The following RBFOX1 variants were observed in gnomAD, a reference collection of about 807,000 sequenced individuals.
RBFOX1 encodes RNA binding fox-1 homolog 1.
Under a neutral mutation model 57.7 loss-of-function variants are expected in RBFOX1, and 8 were observed. The ratio of observed to expected loss-of-function variants is 0.14; its 90% CI spans 0.08 to 0.25. The LOEUF is 0.25. RBFOX1 is among the 10% of genes least tolerant of loss of function. The pLI, the probability that RBFOX1 is intolerant of heterozygous loss-of-function variation, is 1.00. For synonymous variants in RBFOX1, 326 were observed against 222.4 expected (o/e 1.47, Z -4.15); for missense variants, 611 against 548.5 (o/e 1.11, Z -1.14).
At chr16:6,927,701 G>C (rs775616447) in intron 3 of RBFOX1, among the ~76,000 whole-genome samples, 11 of 147,580 alleles carry the variant, frequency 7.5e-5, no homozygotes, top group Non-Finnish European at 1.6e-4. Flanking sequence ...CAGATTTTAG[G>C]GCACTGTAGC....
rs143753786 is a variant in RBFOX1 at position 6,012,153 on chromosome 16, A to G, written c.351+144818A>G. On this transcript the variant is annotated intron_variant, in intron 4 of 19. Coordinates refer to the RBFOX1 transcript ENST00000641259. ...TGAGCTGGATTTGGATCCTAAATTA[A>G]TTGCTTACTACCTTGGCGACTGTGA... 6.8e-4 allele frequency among the ~76,000 whole-genome samples: 104 copies of G among 152,236 alleles called. 2 individuals carry two copies. Among genetic ancestry groups the G allele is most frequent in the Admixed American group, 1.8e-3 (27 of 15,290 alleles).
At chr16:6,845,972 T>G (rs935980705) in intron 3 of RBFOX1, among the ~76,000 whole-genome samples, 1 of 152,324 alleles carries the variant, frequency 6.6e-6, no homozygotes, top group South Asian at 2.1e-4. Flanking sequence ...GTGTTACTGA[T>G]AAAATAATGC....
intron 2 of RBFOX1, among the ~76,000 whole-genome samples, chr16:6,598,782 C>G (rs959085612): frequency 7.2e-5 from 11 of 152,034 alleles, no homozygotes; most frequent in African/African-American, 2.7e-4. Context: ...CCTGTCTCTA[C>G]TAAAAATACA....
intron 3 of RBFOX1, among the ~76,000 whole-genome samples, chr16:5,742,964 G>T (rs914205715): frequency 6.6e-6 from 1 of 152,174 alleles, no homozygotes; most frequent in African/African-American, 2.4e-5. Flanking sequence ...GACACTGAAC[G>T]TGTGCTGGGT....
chr16:6,626,139 G>GTTT (rs112941400), intron 2 of RBFOX1, among the ~76,000 whole-genome samples: 3 of 137,236 alleles, frequency 2.2e-5, no homozygotes, highest in African/African-American at 2.7e-5. Flanking sequence ...AATTCTGCAG[G>GTTT]TTTTTTTTTT....
rs9935246 is a variant in RBFOX1, at chr16:7,232,821, C to G, written c.27+180723C>G. On this transcript the variant is annotated intron_variant, in intron 4 of 15. Coordinates refer to ENST00000550418, the MANE Select transcript of RBFOX1 (RefSeq NM_018723.4). ...ACGCCATTGGTCATTACACTCCAGC[C>G]TGGACAACAAGAGTGAAACTTCATC... 1.3e-3 allele frequency among the ~76,000 whole-genome samples: 183 copies of G among 145,422 alleles called. 2 individuals carry two copies. Among genetic ancestry groups the G allele is most frequent in the African/African-American group, 4.5e-3 (174 of 38,860 alleles).
chr16:7,175,157 C>T (rs1168048462), intron 4 of RBFOX1, among the ~76,000 whole-genome samples: 3 of 152,006 alleles, frequency 2.0e-5, no homozygotes, highest in Non-Finnish European at 4.4e-5. Context: ...CGGTATTAAG[C>T]CCAGCATGCA....
At chr16:6,079,866 A>G (rs890142864) in intron 1 of RBFOX1, among the ~76,000 whole-genome samples, 1 of 152,160 alleles carries the variant, frequency 6.6e-6, no homozygotes, top group African/African-American at 2.4e-5. Flanking sequence ...TTTTCTTGTA[A>G]TTTTTAAATA....
At chr16:6,957,157 A>G (rs2153537869) in intron 3 of RBFOX1, among the ~76,000 whole-genome samples, 1 of 71,158 alleles carries the variant, frequency 1.4e-5, no homozygotes, top group East Asian at 2.7e-4. Flanking sequence ...TTTGAGATGG[A>G]GTCTTGCTCT....
intron 5 of RBFOX1, among the ~76,000 whole-genome samples, chr16:7,562,514 G>C (rs1371110414): frequency 6.6e-6 from 1 of 152,136 alleles, no homozygotes. Context: ...AATGACAGAG[G>C]ATGGCTGATC....
intron 5 of RBFOX1, among the ~76,000 whole-genome samples, chr16:7,573,551 T>C (rs1163736208): frequency 6.6e-6 from 1 of 152,130 alleles, no homozygotes; most frequent in Non-Finnish European, 1.5e-5. Flanking sequence ...ATAACTTTTA[T>C]GGCCAGGCAC....
At chr16:5,984,285 G>A (rs1011526064) in intron 4 of RBFOX1, among the ~76,000 whole-genome samples, 2 of 146,872 alleles carry the variant, frequency 1.4e-5, no homozygotes, top group Non-Finnish European at 1.5e-5. Context: ...CTAAATACAC[G>A]TTACCTCTCT....
At chr16:6,228,561 A>T (rs902649512) in intron 1 of RBFOX1, among the ~76,000 whole-genome samples, 1 of 152,186 alleles carries the variant, frequency 6.6e-6, no homozygotes, top group South Asian at 2.1e-4. Context: ...TAAGCCAGAC[A>T]TAGAAAGACA....
chr16:6,564,078 A>C (rs1051931241), intron 2 of RBFOX1, among the ~76,000 whole-genome samples: 3 of 151,900 alleles, frequency 2.0e-5, no homozygotes, highest in Admixed American at 2.0e-4. Context: ...CCTTAACCTC[A>C]CAATCACTTC....
intron 3 of RBFOX1, among the ~76,000 whole-genome samples, chr16:6,741,085 T>G (rs967952765): frequency 1.3e-5 from 2 of 152,174 alleles, no homozygotes; most frequent in Admixed American, 6.5e-5. Context: ...GACCAGCTGA[T>G]TTTTGCCAGT....
chr16:7,709,694 A>T, intron 15 of RBFOX1: 1 of 1,228,578 alleles, frequency 8.1e-7, no homozygotes, highest in Non-Finnish European at 1.0e-6. Context: ...AGAAGGAATC[A>T]GCTGGGTTTG....
intron 3 of RBFOX1, among the ~76,000 whole-genome samples, chr16:6,756,985 GACAAACAA>G (rs142038941): frequency 1.6e-3 from 228 of 140,840 alleles, no homozygotes; most frequent in Admixed American, 2.4e-3. Context: ...CAAACAAACA[GACAAACAA>G]ACAAACAAAC....
chr16:7,052,426 G>T (rs12920426), intron 4 of RBFOX1, among the ~76,000 whole-genome samples: 81,330 of 151,998 alleles, frequency 0.54, 23,649 homozygotes, highest in South Asian at 0.76. Context: ...AAGGATGGCT[G>T]GCTGCCTTCT....
intron 4 of RBFOX1, among the ~76,000 whole-genome samples, chr16:7,234,586 ATATGTG>A (rs755397597): frequency 0.044 from 4,103 of 92,798 alleles, 86 homozygotes; most frequent in South Asian, 0.089. Context: ...ATGTGTATAC[ATATGTG>A]TGTGTGTGTG....
Sources: gnomAD v4.1 joint callset for allele counts (sites outside exome capture counted in the v4.1 genomes callset) on GRCh38, gnomAD v4.1.1 for gene constraint, MANE v1.5 for transcripts, NCBI Gene and HGNC (gene_info 2026-07-23, HGNC 2026-07-21) for gene names.